Variants in ACER1 observed in about 807,000 individuals in gnomAD.
ACER1 encodes alkaline ceramidase 1.
A neutral mutation model predicts 24.9 loss-of-function variants in ACER1; 28 were observed. That is an observed-to-expected ratio of 1.13 (90% CI 0.83 to 1.54). The LOEUF (loss-of-function observed/expected upper bound fraction) is 1.54, where lower values mean the gene tolerates loss of function less well. Among genes scored for constraint, ACER1 ranks in the 40% most tolerant of loss-of-function variants. ACER1 has a pLI of 0.00. For missense variants in ACER1, 352 were observed against 349.3 expected, an observed-to-expected ratio of 1.01 and a Z score of -0.06; for synonymous variants, 132 against 131.4, an observed-to-expected ratio of 1.00 and a Z score of -0.03.
At position 6,312,405 on chromosome 19, in the gene ACER1, C is replaced by T. The variant is rs1240520447; in HGVS notation, c.188G>A (p.Trp63Ter). ...CCTACCTATGATCATGAAGAGGACC[C>T]AGACAACGTAAATGTAGCGGGAGCG... Reference protein sequence around the residue: ...QKRSRYIYVVWVLFMIIGLFS... With the variant: ...QKRSRYIYVV The change falls in exon 2 of 6, where the codon TGG becomes TAG. Residue 63 changes from tryptophan (W) to a stop codon, truncating the protein, a stop_gained. Coordinates refer to ENST00000301452, the MANE Select transcript of ACER1 (RefSeq NM_133492.3). LOFTEE classifies it high-confidence loss of function. 1 of 1,613,916 alleles carries T rather than the reference C, an allele frequency of 6.2e-7. No homozygotes were observed. The highest frequency in any genetic ancestry group is 8.5e-7 in the Non-Finnish European group (1 of 1,180,022).
At chr19:6,312,749 C>T (rs1362735926) in intron 1 of ACER1, among the ~76,000 whole-genome samples, 1 of 150,766 alleles carries the variant, frequency 6.6e-6, no homozygotes, top group Non-Finnish European at 1.5e-5. Context: ...CATCTCAGCT[C>T]ACTGCAACCT....
At chr19:6,349,174 AAGGAGG>A in the ACER1 span, among the ~76,000 whole-genome samples, 197 of 149,270 alleles carry the variant, frequency 1.3e-3, 6 homozygotes, top group East Asian at 0.039. Context: ...GAAGAAGAAG[AAGGAGG>A]AGGAGGAGGA....
rs930707617 is a variant in ACER1, at chr19:6,306,191, G to A, written c.*523C>T. ...GCCTCCCAAGTAGCTGAGATTACAG[G>A]CATGCACCACCACGCCCGGCTAATT... On this transcript the variant is annotated 3_prime_UTR_variant, in exon 6 of 6. Transcript: ENST00000301452. The A allele has an allele frequency of 3.3e-5, 5 of 152,840 alleles. No homozygotes were observed. Among genetic ancestry groups the A allele is most frequent in the African/African-American group, 7.2e-5 (3 of 41,428 alleles). 9.5% of individuals were successfully genotyped at this position (152,840 alleles called of 1,614,324 possible).
At chr19:6,314,386 C>T (rs1392916536) in intron 1 of ACER1, among the ~76,000 whole-genome samples, 1 of 150,470 alleles carries the variant, frequency 6.6e-6, no homozygotes, top group Non-Finnish European at 1.5e-5. Context: ...GGGAGAATTG[C>T]TTAAACTCAG....
At chr19:6,340,537 C>G in the ACER1 span, among the ~76,000 whole-genome samples, 1 of 152,162 alleles carries the variant, frequency 6.6e-6, no homozygotes, top group East Asian at 1.9e-4. Flanking sequence ...ACCCTGACTC[C>G]TTCCCCATGG....
the ACER1 span, among the ~76,000 whole-genome samples, chr19:6,356,145 T>C: frequency 1.3e-5 from 2 of 151,042 alleles, no homozygotes; most frequent in Non-Finnish European, 2.9e-5. Context: ...TCTTCTGCCT[T>C]GGGATCCTGT....
the ACER1 span, among the ~76,000 whole-genome samples, chr19:6,340,011 C>T: frequency 2.8e-4 from 43 of 151,062 alleles, no homozygotes; most frequent in Admixed American, 3.3e-4. Context: ...CGTGGTGGCT[C>T]ACACATGTAA....
intron 4 of ACER1, among the ~76,000 whole-genome samples, chr19:6,308,690 C>T (rs1600233382): frequency 6.6e-6 from 1 of 152,048 alleles, no homozygotes; most frequent in African/African-American, 2.4e-5. Context: ...GGATTACAGG[C>T]ATGAGCCATC....
chr19:6,339,615 G>A, the ACER1 span, among the ~76,000 whole-genome samples: 31 of 152,246 alleles, frequency 2.0e-4, no homozygotes, highest in African/African-American at 4.3e-4. Flanking sequence ...GATCAGTTTC[G>A]TGTTATGTAT....
intron 1 of ACER1, among the ~76,000 whole-genome samples, chr19:6,324,275 C>T (rs1232460967): frequency 6.6e-6 from 1 of 151,684 alleles, no homozygotes; most frequent in Admixed American, 6.6e-5. Context: ...AACTGCTGAC[C>T]TCAAGTGATC....
At chr19:6,338,163 GT>G (rs1406967442), upstream of ACER1, among the ~76,000 whole-genome samples, 1 of 151,998 alleles carries the variant, frequency 6.6e-6, no homozygotes, top group Non-Finnish European at 1.5e-5. Context: ...GTCTTGCTCC[GT>G]TTCCTAGGCT....
the ACER1 span, among the ~76,000 whole-genome samples, chr19:6,341,523 C>CAA: frequency 2.1e-4 from 13 of 60,674 alleles, no homozygotes; most frequent in African/African-American, 6.9e-4. Flanking sequence ...GACCTTGTCT[C>CAA]AAAAAAAAAA....
intron 4 of ACER1, among the ~76,000 whole-genome samples, chr19:6,309,055 C>A (rs980856746): frequency 2.2e-4 from 34 of 151,716 alleles, no homozygotes; most frequent in African/African-American, 7.8e-4. Context: ...AAAAATTAGC[C>A]GAGCATGGTG....
chr19:6,333,501 G>T lies in ACER1; in HGVS notation c.51C>A (p.Ser17Arg). The T allele has an allele frequency of 1.9e-6, 3 of 1,594,344 alleles. No homozygotes were observed. Among genetic ancestry groups the T allele is most frequent in the Non-Finnish European group, 2.6e-6 (3 of 1,169,780 alleles). The change falls in exon 1 of 6, where the codon AGC becomes AGA. Residue 17 changes from serine (S) to arginine (R), a missense_variant. By Grantham distance (110) the Ser-to-Arg change is moderately radical. Coordinates refer to ENST00000301452, the MANE Select transcript of ACER1 (RefSeq NM_133492.3). ...CCACCAGCTCCGAGTACTGGAAGTT[G>T]CTCTCACACCAGTCCACCTCGGAGC... ...YQSSEVDWCESNFQYSELVAE... is the reference protein window; with the variant it reads ...YQSSEVDWCERNFQYSELVAE...
chr19:6,358,129 G>T, the ACER1 span, among the ~76,000 whole-genome samples: 62 of 152,256 alleles, frequency 4.1e-4, no homozygotes, highest in South Asian at 5.0e-3. Flanking sequence ...GCAACCGGCC[G>T]GGCAGGGCCA....
rs142361294 is a variant in ACER1 at position 6,331,062 on chromosome 19, T to C, written c.93+2397A>G. ...AAAATGGGATGAAGTCTGTATCATA[T>C]AGATTGCATCTAACTCCCCATGTCA... is the stretch of plus-strand genomic sequence containing the variant. On this transcript the variant is annotated intron_variant, in intron 1 of 5. Transcript: ENST00000301452. Among the ~76,000 whole-genome samples the C allele has an allele frequency of 9.5e-4, 142 of 149,802 alleles. 3 individuals are homozygous for C. The highest frequency in any genetic ancestry group is 2.5e-3 in the Admixed American group (38 of 15,146).
chr19:6,312,270 G>T lies in ACER1; in HGVS notation c.229C>A (p.His77Asn). The T allele has an allele frequency of 1.2e-6, 2 of 1,614,086 alleles. No homozygotes were observed. The highest frequency in any genetic ancestry group is 1.7e-6 in the Non-Finnish European group (2 of 1,179,990). Residue 77 changes from histidine (H) to asparagine (N), a missense_variant, in exon 3 of 6, where the codon CAC becomes AAC. Physicochemically the swap from His to Asn is moderately conservative, Grantham distance 68. Coordinates refer to ENST00000301452, the MANE Select transcript of ACER1 (RefSeq NM_133492.3). The stretch of plus-strand genomic sequence containing the variant: ...TGGCCCAGGAAGCTGAGCGTCATGT[G>T]GAAATACATGGAGAACAGGCCTGCA... ...MIIGLFSMYF[H>N]MTLSFLGQLL...
intron 1 of ACER1, among the ~76,000 whole-genome samples, chr19:6,315,408 C>G (rs1291243526): frequency 1.3e-5 from 2 of 149,722 alleles, no homozygotes; most frequent in African/African-American, 2.5e-5. Flanking sequence ...GAGACAGAGT[C>G]TCACTCCGTC....
At chr19:6,307,040 CT>C in intron 5 of ACER1, 112 bp downstream of exon 5, 2 of 1,527,456 alleles carry the variant, frequency 1.3e-6, no homozygotes, top group Non-Finnish European at 1.8e-6. Flanking sequence ...GTCCCAGTGT[CT>C]GGCTCTCCTC....
Sources: gnomAD v4.1 joint callset for allele counts (sites outside exome capture counted in the v4.1 genomes callset) on GRCh38, gnomAD v4.1.1 for gene constraint, MANE v1.5 for transcripts, NCBI Gene and HGNC (gene_info 2026-07-23, HGNC 2026-07-21) for gene names.